SPDL1: variants seen among roughly 807,000 people sequenced by gnomAD.
SPDL1 encodes the protein spindle apparatus coiled-coil protein 1.
Under a neutral mutation model 79.5 loss-of-function variants are expected in SPDL1, and 85 were observed. The ratio of observed to expected loss-of-function variants is 1.07; its 90% CI spans 0.90 to 1.28. The LOEUF (loss-of-function observed/expected upper bound fraction) is 1.28. Ranked by LOEUF, SPDL1 falls within the 50% of genes most tolerant of loss-of-function variation. The probability of loss-of-function intolerance (pLI) is 0.00; values close to 1 mark genes in which losing one functional copy is unlikely to be tolerated. For missense variants in SPDL1, 703 were observed against 697.8 expected (o/e 1.01, Z -0.08); for synonymous variants, 269 against 240.3 (o/e 1.12, Z -1.10).
intron 2 of SPDL1, among the ~76,000 whole-genome samples, chr5:169,590,028 T>C (rs1311339650): frequency 2.0e-5 from 3 of 152,214 alleles, no homozygotes; most frequent in Admixed American, 6.5e-5. Flanking sequence ...TTGCTAATTA[T>C]CTCTAGATTA....
At chr5:169,598,223 T>C (rs1755690519) in intron 8 of SPDL1, among the ~76,000 whole-genome samples, 1 of 152,216 alleles carries the variant, frequency 6.6e-6, no homozygotes. Flanking sequence ...AGCCTAGGCC[T>C]TGTAGTCAGA....
intron 2 of SPDL1, chr5:169,590,648 T>G (rs769670900): frequency 2.0e-5 from 9 of 441,698 alleles, no homozygotes; most frequent in Non-Finnish European, 3.6e-5. Context: ...TCAACTATTA[T>G]TACTACTACA....
rs564425889 is a variant in SPDL1, at chr5:169,589,707, C to CTT, written c.159+1143_159+1144dup. ...CTGATTCACTTTTTTTTTCTTTTTT[C>CTT]TTTTTTTTTTTTGAAACAGGGTCTC... On this transcript the variant is annotated intron_variant, in intron 2 of 11. Transcript: ENST00000265295. 2.5e-4 allele frequency among the ~76,000 whole-genome samples: 36 copies of CTT among 141,842 alleles called. 3 individuals carry two copies. In the South Asian group the frequency reaches 7.9e-3, roughly 31 times the overall value. 93.1% of individuals were successfully genotyped at this position (141,842 alleles called of 152,430 possible). A position where few individuals can be genotyped will look rare whatever the true frequency, so the allele number is the denominator to read the frequency against.
chr5:169,601,330 G>T lies in SPDL1; in HGVS notation c.1375G>T (p.Asp459Tyr). 1 of 1,613,634 alleles carries T rather than the reference G, an allele frequency of 6.2e-7. No individual in the cohort carries two copies. Among genetic ancestry groups the T allele is most frequent in the Non-Finnish European group, 8.5e-7 (1 of 1,179,936 alleles). Reference sequence around the variant, plus strand: ...AAAGAGGCGTGAGGTGCTCCCTGTGGATATAACCACCGCTAAAGATGCATG... The same window carrying T: ...AAAGAGGCGTGAGGTGCTCCCTGTGTATATAACCACCGCTAAAGATGCATG... ...LKKRREVLPV[D>Y]ITTAKDACVN... is the part of the protein sequence containing the mutation. The change falls in exon 11 of 12, where the codon GAT (aspartate) becomes TAT (tyrosine). Residue 459 changes from aspartate to tyrosine, a missense_variant. Transcript: ENST00000265295.
At chr5:169,590,630 C>A (rs1755223179) in intron 2 of SPDL1, 1 of 424,512 alleles carries the variant, frequency 2.4e-6, no homozygotes, top group Non-Finnish European at 4.7e-6. Flanking sequence ...TTCAGTATTT[C>A]TTTTTTTTCA....
Position 169,588,549 on chromosome 5 carries a change from C to T in SPDL1, c.133C>T (p.Arg45Cys), listed in dbSNP as rs1430747630. Reference protein sequence around the residue: ...NELQNQLDKCRNEMMTMTESY... With the variant: ...NELQNQLDKCCNEMMTMTESY... ...ATTACAGAATCAATTGGATAAATGT[C>T]GTAATGAAATGATGACCATGACTGA... The change falls in exon 2 of 12, where the codon CGT (arginine) becomes TGT (cysteine). Residue 45 changes from arginine to cysteine, a missense_variant. Coordinates refer to ENST00000265295, the MANE Select transcript of SPDL1 (RefSeq NM_017785.5). 1.9e-6 allele frequency: 3 copies of T among 1,612,666 alleles called. No individual in the cohort carries two copies. Among genetic ancestry groups the T allele is most frequent in the South Asian group, 1.1e-5 (1 of 90,756 alleles).
intron 1 of SPDL1, 185 bp downstream of exon 1, chr5:169,584,074 C>G (rs139096685): frequency 0.039 from 5,956 of 152,336 alleles, 173 homozygotes; most frequent in Non-Finnish European, 0.057. Context: ...GCTGGACCAC[C>G]TCGCCGCCCT....
intron 11 of SPDL1, among the ~76,000 whole-genome samples, chr5:169,603,310 C>T (rs1216785852): frequency 1.3e-5 from 2 of 151,910 alleles, no homozygotes; most frequent in Non-Finnish European, 2.9e-5. Flanking sequence ...CTTTAAGAAT[C>T]TCTCTACTGT....
At chr5:169,585,925 C>T (rs1335596232) in intron 1 of SPDL1, 1 of 152,234 alleles carries the variant, frequency 6.6e-6, no homozygotes, top group Non-Finnish European at 1.5e-5. Flanking sequence ...CCAGTCTCTA[C>T]ATTAAACTTC....
intron 11 of SPDL1, among the ~76,000 whole-genome samples, chr5:169,602,451 G>A (rs966197750): frequency 6.6e-6 from 1 of 152,230 alleles, no homozygotes; most frequent in African/African-American, 2.4e-5. Flanking sequence ...AAAAAGATGT[G>A]CCAATAACTA....
intron 7 of SPDL1, 23 bp from the exon 8 acceptor site, chr5:169,596,538 A>AG: frequency 1.3e-6 from 2 of 1,593,710 alleles, no homozygotes; most frequent in East Asian, 2.3e-5. Flanking sequence ...ATTTTATTAG[A>AG]GGGGGTAATT....
At chr5:169,586,587 T>A (rs567565960) in intron 1 of SPDL1, among the ~76,000 whole-genome samples, 16 of 152,380 alleles carry the variant, frequency 1.1e-4, no homozygotes, top group African/African-American at 3.8e-4. Flanking sequence ...TCCAAAACAT[T>A]ATTTACATCA....
rs1490537588 is a variant in SPDL1, at chr5:169,594,658, A to G, written c.868A>G (p.Arg290Gly). 1.2e-6 allele frequency: 2 copies of G among 1,612,972 alleles called. No individual in the cohort carries two copies. Among genetic ancestry groups the G allele is most frequent in the Non-Finnish European group, 1.7e-6 (2 of 1,178,990 alleles). Residue 290 changes from arginine to glycine, a missense_variant, in exon 7 of 12, where the codon AGA becomes GGA. By Grantham distance (125) the Arg-to-Gly change is moderately radical. Transcript: ENST00000265295. ...QSLKKQNVFN[R>G]EQMQRMKLQI... ...ACTAAAGAAGCAAAATGTATTTAAC[A>G]GAGAACAGATGCAGAGAATGAAGGT...
intron 1 of SPDL1, 90 bp from the exon 2 acceptor site, chr5:169,588,304 G>T (rs1307290544): frequency 3.5e-6 from 3 of 868,584 alleles, no homozygotes; most frequent in South Asian, 2.0e-5. Flanking sequence ...TACGACAGTA[G>T]TATTGAGTAG....
chr5:169,588,753 C>G, intron 2 of SPDL1, 178 bp downstream of exon 2: 1 of 484,708 alleles, frequency 2.1e-6, no homozygotes, highest in African/African-American at 2.0e-5. Flanking sequence ...ATTCTTTCCA[C>G]CCTAGTGTAT....
chr5:169,599,927 A>G (rs968324942), intron 10 of SPDL1, among the ~76,000 whole-genome samples: 1 of 151,980 alleles, frequency 6.6e-6, no homozygotes, highest in African/African-American at 2.4e-5. Context: ...AATGGGGGGG[A>G]AAGGAAAGAA....
At chr5:169,600,369 C>T (rs973925708) in intron 10 of SPDL1, among the ~76,000 whole-genome samples, 12 of 152,188 alleles carry the variant, frequency 7.9e-5, no homozygotes, top group African/African-American at 2.9e-4. Flanking sequence ...GAATTTCAAA[C>T]ATCTGTTGAA....
rs763885194 is a variant in SPDL1, at chr5:169,594,692, TTCACTA to T, written c.891+15_891+20del. ...ATGCAGAGAATGAAGGTATAGAACTTTCACTATCAAAGGTTTATTAAACAAATTTTG... is the reference window on the plus strand; with the variant it reads ...ATGCAGAGAATGAAGGTATAGAACTTTCAAAGGTTTATTAAACAAATTTTG... On this transcript the variant is annotated intron_variant, in intron 7 of 11. Coordinates refer to ENST00000265295, the MANE Select transcript of SPDL1 (RefSeq NM_017785.5). 5.7e-6 allele frequency: 9 copies of T among 1,584,236 alleles called. No homozygotes were observed. Among genetic ancestry groups the T allele is most frequent in the Non-Finnish European group, 6.9e-6 (8 of 1,154,908 alleles).
At chr5:169,588,315 A>G in intron 1 of SPDL1, 79 bp from the exon 2 acceptor site, 1 of 965,326 alleles carries the variant, frequency 1.0e-6, no homozygotes, top group East Asian at 2.5e-5. Flanking sequence ...TATTGAGTAG[A>G]TATGTTTCTT....
Sources: allele counts gnomAD v4.1 joint callset (sites outside exome capture counted in the v4.1 genomes callset), GRCh38; gene constraint gnomAD v4.1.1; transcripts MANE v1.5; gene names NCBI Gene and HGNC (gene_info 2026-07-23, HGNC 2026-07-21).